The following GHITM variants were observed in gnomAD, a reference collection of about 807,000 sequenced individuals.
The protein encoded by GHITM is growth hormone-inducible transmembrane protein.
GHITM carries 24 observed loss-of-function variants against 38.7 expected under a neutral mutation model. The ratio of observed to expected loss-of-function variants is 0.62; its 90% CI spans 0.45 to 0.87. GHITM has a LOEUF of 0.87. GHITM is among the 40% of genes least tolerant of loss of function. The pLI is 0.00. For missense variants in GHITM, 420 were observed against 429.8 expected (o/e 0.98, Z 0.20); for synonymous variants, 154 against 147.8 (o/e 1.04, Z -0.30).
intron 4 of GHITM, 80 bp from the exon 5 acceptor site, chr10:84,144,795 G>T: frequency 1.2e-6 from 1 of 802,970 alleles, no homozygotes; most frequent in Non-Finnish European, 2.0e-6. Context: ...GATTTATCCC[G>T]AGGTCGCCCA....
chr10:84,141,048 G>A (rs1841501203), intron 1 of GHITM, among the ~76,000 whole-genome samples: 1 of 152,060 alleles, frequency 6.6e-6, no homozygotes, highest in Non-Finnish European at 1.5e-5. Flanking sequence ...CTATTCCTTT[G>A]CCCAAAAGTT....
intron 3 of GHITM, 34 bp from the exon 4 acceptor site, chr10:84,143,961 A>G (rs1423211677): frequency 3.1e-6 from 4 of 1,290,312 alleles, no homozygotes; most frequent in Admixed American, 1.7e-5. Context: ...CAGATGTGCC[A>G]GTACTAACCT....
rs1006473961 is a variant in GHITM at position 84,142,575 on chromosome 10, G to A, written c.130-80G>A. ...GTTTCTTTAACTAGAGTTTTCTAGT[G>A]TAAAGGGATCTTGCATTTTATTTTA... On this transcript the variant is annotated intron_variant, in intron 2 of 8. Transcript: ENST00000372134. 5.1e-5 allele frequency: 43 copies of A among 835,216 alleles called. No homozygotes were observed. In the East Asian group the frequency reaches 6.5e-4, roughly 13 times the overall value. 51.7% of individuals were successfully genotyped at this position (835,216 alleles called of 1,614,324 possible). A position where few individuals can be genotyped will look rare whatever the true frequency, so the allele number is the denominator to read the frequency against.
intron 1 of GHITM, 101 bp from the exon 2 acceptor site, chr10:84,141,357 ATAGT>A: frequency 3.2e-6 from 2 of 630,110 alleles, no homozygotes; most frequent in Admixed American, 5.9e-5. Flanking sequence ...CTACTAAAAA[ATAGT>A]TTGTTCCTTG....
At position 84,148,774 on chromosome 10, in the gene GHITM, G is replaced by A. The variant is rs375318573; in HGVS notation, c.528G>A (p.Leu176=). 1 of 1,613,548 alleles carries A rather than the reference G, an allele frequency of 6.2e-7. No individual in the cohort carries two copies. The highest frequency in any genetic ancestry group is 8.5e-7 in the Non-Finnish European group (1 of 1,179,486). Residue 176 remains leucine (L), a synonymous_variant, in exon 6 of 9, where the codon CTG becomes CTA. Coordinates refer to ENST00000372134, the MANE Select transcript of GHITM (RefSeq NM_014394.3). ...TFAAMVGAGM[L]VRSIPYDQSP... is the part of the protein sequence containing the mutation. ...CAGCCATGGTTGGAGCTGGAATGCT[G>A]GTACGATCAATACCATATGACCAGA...
chr10:84,144,416 C>T (rs986710019), intron 4 of GHITM, among the ~76,000 whole-genome samples: 12 of 152,126 alleles, frequency 7.9e-5, no homozygotes, highest in East Asian at 1.9e-4. Context: ...GGTGCAGTGG[C>T]GCGATCTTGG....
At chr10:84,144,257 T>G (rs1393105980) in intron 4 of GHITM, 151 bp downstream of exon 4, 2 of 560,970 alleles carry the variant, frequency 3.6e-6, no homozygotes, top group Non-Finnish European at 6.4e-6. Flanking sequence ...CTCTTTTTGC[T>G]TCTTTGACAT....
chr10:84,141,984 T>A (rs1841511414), intron 2 of GHITM, among the ~76,000 whole-genome samples: 1 of 152,208 alleles, frequency 6.6e-6, no homozygotes, highest in East Asian at 1.9e-4. Context: ...AATAGCTTAT[T>A]AATAAATTAC....
intron 3 of GHITM, among the ~76,000 whole-genome samples, chr10:84,143,464 T>A (rs1423174116): frequency 6.6e-6 from 1 of 152,160 alleles, no homozygotes; most frequent in East Asian, 1.9e-4. Context: ...TATGAATACC[T>A]CTATTGAGTT....
rs144438512 is a variant in GHITM, at chr10:84,152,978, C to G, written c.*630C>G. 1 of 152,188 alleles carries G rather than the reference C, an allele frequency of 6.6e-6. No individual in the cohort carries two copies. The highest frequency in any genetic ancestry group is 2.4e-5 in the African/African-American group (1 of 41,428). 9.4% of individuals were successfully genotyped at this position (152,188 alleles called of 1,614,324 possible). A position where few individuals can be genotyped will look rare whatever the true frequency, so the allele number is the denominator to read the frequency against. On this transcript the variant is annotated 3_prime_UTR_variant, in exon 9 of 9. Transcript: ENST00000372134. ...ATTCTCCTGCTGTTGCTTCTCAGTG[C>G]TCTCTTTCCAATATAGATGTGGTCA...
rs1564644065 is a variant in GHITM at position 84,152,386 on chromosome 10, T to C, written c.*38T>C. 3 of 1,137,610 alleles carry C rather than the reference T, an allele frequency of 2.6e-6. No homozygotes were observed. The highest frequency in any genetic ancestry group is 2.6e-6 in the Non-Finnish European group (2 of 754,720). The allele number at this position is 1,137,610 out of a possible 1,614,324, so 70.5% of individuals were successfully genotyped here. ...TCTGGCTTCTCTGCTACATCAAATA[T>C]CTTGTTTAATGGGGCAGATATGCAT... is the stretch of plus-strand genomic sequence containing the variant. On this transcript the variant is annotated 3_prime_UTR_variant, in exon 9 of 9. Coordinates refer to ENST00000372134, the MANE Select transcript of GHITM (RefSeq NM_014394.3).
At position 84,144,088 on chromosome 10, in the gene GHITM, G is replaced by A. The variant is rs1841533623; in HGVS notation, c.323G>A (p.Gly108Glu). 1 of 1,610,312 alleles carries A rather than the reference G, an allele frequency of 6.2e-7. No individual in the cohort carries two copies. Among genetic ancestry groups the A allele is most frequent in the Non-Finnish European group, 8.5e-7 (1 of 1,176,508 alleles). The change falls in exon 4 of 9, where the codon GGA becomes GAA. Residue 108 changes from glycine (G) to glutamate (E), a missense_variant. By Grantham distance (98) the Gly-to-Glu change is moderately conservative (BLOSUM62 -2). Transcript: ENST00000372134. ...GGCTTGGGACTGTCTAATGAGATTGGAGCTATTGAAAAGGCTGTGTAAGTA... is the reference window on the plus strand; with the variant it reads ...GGCTTGGGACTGTCTAATGAGATTGAAGCTATTGAAAAGGCTGTGTAAGTA... Reference protein sequence around the residue: ...YYGLGLSNEIGAIEKAVIWPQ... With the variant: ...YYGLGLSNEIEAIEKAVIWPQ...
chr10:84,143,146 T>TTTAAC (rs1439646310), intron 3 of GHITM, among the ~76,000 whole-genome samples: 1 of 152,244 alleles, frequency 6.6e-6, no homozygotes, highest in Non-Finnish European at 1.5e-5. Context: ...AGAAGAATCC[T>TTTAAC]TTAACTCACT....
intron 6 of GHITM, among the ~76,000 whole-genome samples, chr10:84,149,608 T>C (rs1304919078): frequency 1.3e-5 from 2 of 152,228 alleles, no homozygotes; most frequent in African/African-American, 4.8e-5. Context: ...GCAGTCCTTA[T>C]TACATAAAGA....
chr10:84,142,794 A>G (rs748414374), intron 3 of GHITM, 40 bp downstream of exon 3: 3 of 1,111,268 alleles, frequency 2.7e-6, no homozygotes, highest in Admixed American at 3.6e-5. Context: ...GAATCTATGG[A>G]TATGTTTTAA....
Position 84,144,121 on chromosome 10 carries a change from T to C in GHITM, c.341+15T>C. On this transcript the variant is annotated intron_variant, in intron 4 of 8. Coordinates refer to ENST00000372134, the MANE Select transcript of GHITM (RefSeq NM_014394.3). ...GAAAAGGCTGTGTAAGTAAATTGTT[T>C]TAAGTAAACTGTTCCTAAACAACTC... 1 of 1,513,266 alleles carries C rather than the reference T, an allele frequency of 6.6e-7. No individual in the cohort carries two copies. The highest frequency in any genetic ancestry group is 9.2e-7 in the Non-Finnish European group (1 of 1,088,014). 93.7% of individuals were successfully genotyped at this position (1,513,266 alleles called of 1,614,324 possible).
chr10:84,146,484 C>T (rs1170902787), intron 5 of GHITM, among the ~76,000 whole-genome samples: 1 of 152,152 alleles, frequency 6.6e-6, no homozygotes, highest in Non-Finnish European at 1.5e-5. Context: ...ATTATTTTCA[C>T]TGTGTTGTAC....
chr10:84,145,797 A>G (rs1841551248), intron 5 of GHITM, among the ~76,000 whole-genome samples: 1 of 152,262 alleles, frequency 6.6e-6, no homozygotes, highest in African/African-American at 2.4e-5. Context: ...AAGAAAGTGC[A>G]AAGTCAGTTG....
At chr10:84,147,645 G>A (rs1841569439) in intron 5 of GHITM, among the ~76,000 whole-genome samples, 1 of 151,250 alleles carries the variant, frequency 6.6e-6, no homozygotes, top group East Asian at 1.9e-4. Context: ...TTTAAACATA[G>A]TTTGCCAAAC....
Sources: allele counts gnomAD v4.1 joint callset (sites outside exome capture counted in the v4.1 genomes callset), GRCh38; gene constraint gnomAD v4.1.1; transcripts MANE v1.5; gene names NCBI Gene and HGNC (gene_info 2026-07-23, HGNC 2026-07-21).